TENM2: variants seen among roughly 807,000 people sequenced by gnomAD.
The protein encoded by TENM2 is teneurin-2.
In TENM2, 52 loss-of-function variants were observed where a neutral mutation model predicts 245.2. That is an observed-to-expected ratio of 0.21 (90% CI 0.17 to 0.27). The LOEUF is 0.27. TENM2 is among the 10% of genes least tolerant of loss of function. The pLI is 1.00. For synonymous variants in TENM2, 1,363 were observed against 1,438.9 expected (o/e 0.95, Z 1.19); for missense variants, 3,046 against 3,666.8 (o/e 0.83, Z 4.37).
At chr5:167,711,512 G>C (rs1332796769) in intron 2 of TENM2, among the ~76,000 whole-genome samples, 1 of 151,834 alleles carries the variant, frequency 6.6e-6, no homozygotes, top group Non-Finnish European at 1.5e-5. Context: ...CCAGCAATCT[G>C]CTTTACAGTG....
the TENM2 span, among the ~76,000 whole-genome samples, chr5:167,208,728 G>A: frequency 6.6e-6 from 1 of 152,302 alleles, no homozygotes; most frequent in South Asian, 2.1e-4. Context: ...TAAATTGATG[G>A]AGATCTTTTT....
intron 1 of TENM2, among the ~76,000 whole-genome samples, chr5:167,360,858 T>C (rs1287302998): frequency 6.6e-6 from 1 of 152,138 alleles, no homozygotes; most frequent in Non-Finnish European, 1.5e-5. Context: ...CCATAAGTAG[T>C]GGAATAGGAA....
intron 5 of TENM2, among the ~76,000 whole-genome samples, chr5:168,025,967 G>A (rs749827854): frequency 1.3e-5 from 2 of 152,126 alleles, no homozygotes; most frequent in Non-Finnish European, 2.9e-5. Context: ...CTATGAAGGG[G>A]GCTCACTTGC....
chr5:168,086,864 T>C (rs1180297666), intron 7 of TENM2, among the ~76,000 whole-genome samples: 1 of 152,166 alleles, frequency 6.6e-6, no homozygotes, highest in Non-Finnish European at 1.5e-5. Context: ...GGGCCTGAGC[T>C]TTTGGAAAAT....
chr5:167,663,170 GAGAGAGAGAGAGAGAGAA>G (rs1419085902), intron 2 of TENM2, among the ~76,000 whole-genome samples: 18 of 151,132 alleles, frequency 1.2e-4, no homozygotes, highest in Admixed American at 1.1e-3. Context: ...GAGAGAGAGA[GAGAGAGAGAGAGAGAGAA>G]AGAGAGAGAA....
intron 5 of TENM2, among the ~76,000 whole-genome samples, chr5:168,042,270 C>A (rs1788255489): frequency 6.6e-6 from 1 of 152,138 alleles, no homozygotes; most frequent in Non-Finnish European, 1.5e-5. Flanking sequence ...AAAGCCCAAT[C>A]TCCTCCTCGC....
chr5:168,092,491 T>C (rs1793027479), intron 8 of TENM2, among the ~76,000 whole-genome samples: 1 of 152,204 alleles, frequency 6.6e-6, no homozygotes, highest in Admixed American at 6.5e-5. Flanking sequence ...ATCCTTACTC[T>C]CTGTCCCTTT....
At chr5:168,034,382 T>C (rs905259409) in intron 5 of TENM2, among the ~76,000 whole-genome samples, 14 of 144,444 alleles carry the variant, frequency 9.7e-5, no homozygotes, top group East Asian at 2.0e-4. Flanking sequence ...GGATGGTCAA[T>C]AAATAGGTAA....
intron 24 of TENM2, among the ~76,000 whole-genome samples, chr5:168,227,528 T>G (rs1458656192): frequency 1.3e-5 from 2 of 151,762 alleles, no homozygotes; most frequent in African/African-American, 2.4e-5. Flanking sequence ...TTTTTTTTTT[T>G]TTTTTCCTGG....
intron 2 of TENM2, among the ~76,000 whole-genome samples, chr5:167,799,908 C>A (rs189755786): frequency 2.5e-3 from 386 of 152,302 alleles, no homozygotes; most frequent in Non-Finnish European, 4.8e-3. Flanking sequence ...TGGGGCCCAT[C>A]CCCAGAAGTT....
the TENM2 span, among the ~76,000 whole-genome samples, chr5:167,164,429 T>C: frequency 6.6e-6 from 1 of 152,216 alleles, no homozygotes; most frequent in African/African-American, 2.4e-5. Flanking sequence ...ATGAATGTAT[T>C]CTAATATTCT....
chr5:167,151,482 A>C, the TENM2 span, among the ~76,000 whole-genome samples: 1 of 152,032 alleles, frequency 6.6e-6, no homozygotes, highest in African/African-American at 2.4e-5. Flanking sequence ...CAAAAACCTA[A>C]ATATTTACAG....
chr5:167,042,936 A>G, the TENM2 span, among the ~76,000 whole-genome samples: 1 of 152,222 alleles, frequency 6.6e-6, no homozygotes, highest in Non-Finnish European at 1.5e-5. Flanking sequence ...CTCACTTTCC[A>G]GATGGGATGC....
intron 2 of TENM2, among the ~76,000 whole-genome samples, chr5:167,840,941 T>G (rs1262664631): frequency 1.3e-5 from 2 of 152,142 alleles, no homozygotes; most frequent in African/African-American, 2.4e-5. Context: ...GACAGAGACC[T>G]TGCAACATCA....
the TENM2 span, among the ~76,000 whole-genome samples, chr5:167,116,056 T>G: frequency 6.6e-6 from 1 of 152,206 alleles, no homozygotes; most frequent in Non-Finnish European, 1.5e-5. Flanking sequence ...CTGAGAATGT[T>G]TATTTCTGCC....
At chr5:167,886,505 A>G (rs1003016263) in intron 3 of TENM2, among the ~76,000 whole-genome samples, 5 of 152,234 alleles carry the variant, frequency 3.3e-5, no homozygotes, top group Admixed American at 2.0e-4. Context: ...AAGAAGTTAC[A>G]AGATAATGCA....
At chr5:167,998,162 A>T (rs1328978000) in intron 5 of TENM2, among the ~76,000 whole-genome samples, 3 of 152,224 alleles carry the variant, frequency 2.0e-5, no homozygotes, top group Non-Finnish European at 4.4e-5. Flanking sequence ...CCATGGATAG[A>T]GTGGAATTGC....
chr5:168,133,359 T>A (rs1245942260), intron 12 of TENM2, among the ~76,000 whole-genome samples: 2 of 152,210 alleles, frequency 1.3e-5, no homozygotes, highest in African/African-American at 2.4e-5. Flanking sequence ...ATATTGCAAA[T>A]GTCATAAATG....
At chr5:167,383,051 A>C (rs1281641756) in intron 2 of TENM2, among the ~76,000 whole-genome samples, 6 of 152,058 alleles carry the variant, frequency 3.9e-5, no homozygotes, top group Admixed American at 2.0e-4. Context: ...ATTTCAAGTA[A>C]TTGCTAATTG....
Sources: allele counts gnomAD v4.1 joint callset (sites outside exome capture counted in the v4.1 genomes callset), GRCh38; gene constraint gnomAD v4.1.1; transcripts MANE v1.5; gene names NCBI Gene and HGNC (gene_info 2026-07-23, HGNC 2026-07-21).